NFATC3: variants seen among roughly 807,000 people sequenced by gnomAD.
NFATC3 encodes the protein nuclear factor of activated T cells 3.
In NFATC3, 46 loss-of-function variants were observed where a neutral mutation model predicts 98.6. The ratio of observed to expected loss-of-function variants is 0.47; its 90% CI spans 0.37 to 0.60. The LOEUF (loss-of-function observed/expected upper bound fraction) is 0.60. NFATC3 is among the 20% of genes least tolerant of loss of function. The pLI, the probability that NFATC3 is intolerant of heterozygous loss-of-function variation, is 0.00. For missense variants in NFATC3, 1,256 were observed against 1,295.5 expected (o/e 0.97, Z 0.47); for synonymous variants, 512 against 472.2 (o/e 1.08, Z -1.09).
At chr16:68,171,283 A>G (rs773275918) in intron 5 of NFATC3, among the ~76,000 whole-genome samples, 7 of 152,088 alleles carry the variant, frequency 4.6e-5, no homozygotes, top group Admixed American at 6.6e-5. Context: ...TGCTGGGATT[A>G]TAGGTGTGAG....
intron 9 of NFATC3, among the ~76,000 whole-genome samples, chr16:68,197,629 A>T (rs1364620817): frequency 6.6e-6 from 1 of 152,202 alleles, no homozygotes; most frequent in Non-Finnish European, 1.5e-5. Flanking sequence ...GAAAGGATTG[A>T]AAGTGACTAA....
chr16:68,144,494 TATTATC>T (rs1489224133), intron 3 of NFATC3, among the ~76,000 whole-genome samples: 1 of 152,092 alleles, frequency 6.6e-6, no homozygotes. Context: ...AACAACTATG[TATTATC>T]ATTATCATCA....
rs529018527 is a variant in NFATC3, at chr16:68,155,181, G to A, written c.1402-2688G>A. Reference sequence around the variant, plus strand: ...GTTACAAGTTCCACTGTAAAGCCAAGGCTGGACAAGTAGGCGGGAATAAAA... The same window carrying A: ...GTTACAAGTTCCACTGTAAAGCCAAAGCTGGACAAGTAGGCGGGAATAAAA... On this transcript the variant is annotated intron_variant, in intron 3 of 9. Coordinates refer to ENST00000346183, the MANE Select transcript of NFATC3 (RefSeq NM_173165.3). 2.0e-5 allele frequency among the ~76,000 whole-genome samples: 3 copies of A among 152,292 alleles called. No homozygotes were observed. In the South Asian group the frequency reaches 6.2e-4, roughly 32 times the overall value.
At chr16:68,197,580 C>T (rs1386597629) in intron 9 of NFATC3, among the ~76,000 whole-genome samples, 1 of 152,170 alleles carries the variant, frequency 6.6e-6, no homozygotes, top group Non-Finnish European at 1.5e-5. Flanking sequence ...TAGCAAGACC[C>T]TGTCTCTGAG....
At chr16:68,166,698 A>G (rs941601329) in intron 4 of NFATC3, 145 bp from the exon 5 acceptor site, 117 of 620,478 alleles carry the variant, frequency 1.9e-4, no homozygotes, top group Middle Eastern at 8.9e-4. Flanking sequence ...TCAGTTTAGC[A>G]GTGAATAGCA....
In NFATC3 at chr16:68,226,515, T is replaced by C; in HGVS notation, c.*44T>C. The stretch of plus-strand genomic sequence containing the variant: ...TGTGTCCACCACCAACTTCTCAGCA[T>C]GTTTCTCTCCTTGGACCTTGGGTTT... On this transcript the variant is annotated 3_prime_UTR_variant, in exon 10 of 10. Transcript: ENST00000346183. 6.9e-7 allele frequency: 1 copy of C among 1,455,760 alleles called. No individual in the cohort carries two copies. Among genetic ancestry groups the C allele is most frequent in the Non-Finnish European group, 9.0e-7 (1 of 1,107,026 alleles). 90.2% of individuals were successfully genotyped at this position (1,455,760 alleles called of 1,614,324 possible).
intron 9 of NFATC3, among the ~76,000 whole-genome samples, chr16:68,196,553 C>T (rs760899907): frequency 2.0e-5 from 3 of 151,858 alleles, no homozygotes; most frequent in Non-Finnish European, 2.9e-5. Flanking sequence ...ATTAGCTGGG[C>T]GTGGTGGTGG....
At chr16:68,192,235 A>G (rs2040455473) in intron 9 of NFATC3, 1 of 106,172 alleles carries the variant, frequency 9.4e-6, no homozygotes, top group African/African-American at 3.2e-5. Context: ...AAAAAAATAT[A>G]TATATATATA....
chr16:68,226,897 C>CAAAAAAAAAAAAAAAAAAAAAAAAAGAA lies in NFATC3; in HGVS notation c.*451_*452insGAAAAAAAAAAAAAAAAAAAAAAAAAAA, dbSNP rs2042047064. On this transcript the variant is annotated 3_prime_UTR_variant, in exon 10 of 10. Transcript: ENST00000346183. ...AACTTTTGATAAGACCTTCTAGAAG[C>CAAAAAAAAAAAAAAAAAAAAAAAAAGAA]AAAAAAAAAAAAAAAAAAAAAAAAA... The CAAAAAAAAAAAAAAAAAAAAAAAAAGAA allele has an allele frequency of 1.3e-4, 4 of 30,332 alleles. No individual in the cohort carries two copies. Among genetic ancestry groups the CAAAAAAAAAAAAAAAAAAAAAAAAAGAA allele is most frequent in the Non-Finnish European group, 2.2e-4 (4 of 18,152 alleles). The allele number at this position is 30,332 out of a possible 1,614,324, so 1.9% of individuals were successfully genotyped here.
chr16:68,086,091 G>T (rs1431577020), intron 1 of NFATC3, among the ~76,000 whole-genome samples: 2 of 152,228 alleles, frequency 1.3e-5, no homozygotes, highest in Non-Finnish European at 2.9e-5. Flanking sequence ...TCGTTGCTTT[G>T]CCAGTGTGTT....
chr16:68,165,631 G>A (rs933006571), intron 4 of NFATC3, among the ~76,000 whole-genome samples: 5 of 151,992 alleles, frequency 3.3e-5, no homozygotes, highest in Non-Finnish European at 7.4e-5. Context: ...ACTGACCTCA[G>A]GTGATCCACT....
At chr16:68,143,594 A>G (rs1289510484) in intron 3 of NFATC3, among the ~76,000 whole-genome samples, 1 of 152,184 alleles carries the variant, frequency 6.6e-6, no homozygotes, top group Non-Finnish European at 1.5e-5. Context: ...CACACCTGTG[A>G]CCCCAGCATT....
chr16:68,162,699 A>G (rs2038951449), intron 4 of NFATC3, among the ~76,000 whole-genome samples: 2 of 151,982 alleles, frequency 1.3e-5, no homozygotes, highest in South Asian at 4.1e-4. Context: ...GACTTTATAG[A>G]CAGAGAAGGG....
intron 1 of NFATC3, among the ~76,000 whole-genome samples, chr16:68,112,714 A>G (rs1374940459): frequency 2.3e-5 from 3 of 128,236 alleles, no homozygotes; most frequent in Non-Finnish European, 4.6e-5. Flanking sequence ...TGCGGACTGC[A>G]GTGGCGCAAT....
chr16:68,216,041 T>C (rs944306749), intron 9 of NFATC3, among the ~76,000 whole-genome samples: 1 of 152,060 alleles, frequency 6.6e-6, no homozygotes, highest in African/African-American at 2.4e-5. Context: ...TTTACACATA[T>C]TAAGTGCTGA....
intron 9 of NFATC3, among the ~76,000 whole-genome samples, chr16:68,195,908 C>T (rs2040650834): frequency 1.3e-5 from 2 of 152,120 alleles, no homozygotes; most frequent in Admixed American, 6.6e-5. Context: ...GTCTGAAGTG[C>T]AGTAGTGCAA....
intron 5 of NFATC3, among the ~76,000 whole-genome samples, chr16:68,169,960 A>T (rs545766944): frequency 6.6e-6 from 1 of 152,238 alleles, no homozygotes; most frequent in East Asian, 1.9e-4. Flanking sequence ...AAGGAAATGG[A>T]TGGAGTGGGG....
intron 4 of NFATC3, among the ~76,000 whole-genome samples, chr16:68,163,946 C>T (rs1486331119): frequency 1.3e-5 from 2 of 151,780 alleles, no homozygotes; most frequent in African/African-American, 4.8e-5. Context: ...GGGCTCTTCA[C>T]GTCCCAGACG....
At chr16:68,110,699 T>C (rs2035902373) in intron 1 of NFATC3, among the ~76,000 whole-genome samples, 4 of 152,060 alleles carry the variant, frequency 2.6e-5, no homozygotes, top group Non-Finnish European at 5.9e-5. Context: ...TCTGCTAGAT[T>C]TGGGGTTTGT....
Sources: gnomAD v4.1 joint callset for allele counts (sites outside exome capture counted in the v4.1 genomes callset) on GRCh38, gnomAD v4.1.1 for gene constraint, MANE v1.5 for transcripts, NCBI Gene and HGNC (gene_info 2026-07-23, HGNC 2026-07-21) for gene names.